APBA1: variants seen among roughly 807,000 people sequenced by gnomAD.
APBA1 encodes the protein amyloid-beta A4 precursor protein-binding family A member 1.
APBA1 carries 55 observed loss-of-function variants against 86.6 expected under a neutral mutation model. The observed-to-expected ratio is 0.64, with a 90% CI of 0.51 to 0.80. The LOEUF is 0.80. APBA1 is among the 30% of genes least tolerant of loss of function. The pLI is 0.00. For missense variants in APBA1, 1,090 were observed against 1,183.0 expected (o/e 0.92, Z 1.15); for synonymous variants, 511 against 493.9 (o/e 1.03, Z -0.46).
chr9:69,659,356 T>C (rs1027330702), intron 1 of APBA1, among the ~76,000 whole-genome samples: 3 of 152,204 alleles, frequency 2.0e-5, no homozygotes, highest in East Asian at 3.9e-4. Flanking sequence ...AAAGATTCAC[T>C]GTACAGATAT....
chr9:69,537,713 G>A (rs1333501588), intron 1 of APBA1, among the ~76,000 whole-genome samples: 2 of 151,834 alleles, frequency 1.3e-5, no homozygotes, highest in Non-Finnish European at 2.9e-5. Context: ...AACCAATAAG[G>A]TGGCCCTTTT....
intron 1 of APBA1, among the ~76,000 whole-genome samples, chr9:69,574,880 T>C (rs552164084): frequency 6.6e-6 from 1 of 152,312 alleles, no homozygotes; most frequent in Non-Finnish European, 1.5e-5. Flanking sequence ...GCCCACGGTC[T>C]ATTCATTACT....
In APBA1 at chr9:69,431,141, G is replaced by GA. The variant is rs772262179; in HGVS notation, c.*185dup. The GA allele has an allele frequency of 0.026, 7,260 of 284,248 alleles. 2 individuals carry two copies. Among genetic ancestry groups the GA allele is most frequent in the South Asian group, 0.043 (697 of 16,144 alleles). 17.6% of individuals were successfully genotyped at this position (284,248 alleles called of 1,614,324 possible). ...GTGCATACGAAACTTCCCTGGTATT[G>GA]AAAAAAAAAAAAAAAAAAAAGCAAA... On this transcript the variant is annotated 3_prime_UTR_variant, in exon 13 of 13. Coordinates refer to ENST00000265381, the MANE Select transcript of APBA1 (RefSeq NM_001163.4).
intron 1 of APBA1, among the ~76,000 whole-genome samples, chr9:69,554,168 G>GA (rs1836828013): frequency 6.6e-6 from 1 of 152,116 alleles, no homozygotes; most frequent in Non-Finnish European, 1.5e-5. Flanking sequence ...AAATGCTACG[G>GA]AAATATTAAT....
intron 1 of APBA1, among the ~76,000 whole-genome samples, chr9:69,594,919 T>C (rs962730575): frequency 2.6e-5 from 4 of 152,176 alleles, no homozygotes; most frequent in African/African-American, 9.7e-5. Flanking sequence ...TGGACATAAA[T>C]TTTCTCATCT....
chr9:69,611,285 G>GCAAAAAAAA (rs1822581134), intron 1 of APBA1, among the ~76,000 whole-genome samples: 1 of 111,912 alleles, frequency 8.9e-6, no homozygotes, highest in Non-Finnish European at 1.8e-5. Context: ...ACCAGAAAAG[G>GCAAAAAAAA]AAAAAAAAAA....
chr9:69,546,371 C>T (rs1358268070), intron 1 of APBA1, among the ~76,000 whole-genome samples: 1 of 152,196 alleles, frequency 6.6e-6, no homozygotes, highest in African/African-American at 2.4e-5. Flanking sequence ...GCCCACAGTT[C>T]CATTTCTGTA....
At position 69,449,755 on chromosome 9, in the gene APBA1, C is replaced by G; in HGVS notation, c.2010G>C (p.Val670=). The change falls in exon 10 of 13, where the codon GTG becomes GTC. Residue 670 remains valine, a synonymous_variant. Coordinates refer to ENST00000265381, the MANE Select transcript of APBA1 (RefSeq NM_001163.4). ...EKQKGEILGV[V]IVESGWGSIL... The stretch of plus-strand genomic sequence containing the variant: ...TGGATCCCCAGCCAGACTCCACAAT[C>G]ACCACACCTAGGATTTCTCCTTTCT... 6 of 1,614,016 alleles carry G rather than the reference C, an allele frequency of 3.7e-6. No homozygotes were observed. The highest frequency in any genetic ancestry group is 5.1e-6 in the Non-Finnish European group (6 of 1,179,964).
At chr9:69,566,386 T>C (rs536486405) in intron 1 of APBA1, among the ~76,000 whole-genome samples, 71 of 152,328 alleles carry the variant, frequency 4.7e-4, no homozygotes, top group African/African-American at 1.7e-3. Flanking sequence ...CTACACCTGA[T>C]TGCAAGTTTC....
At chr9:69,564,366 C>T (rs182790334) in intron 1 of APBA1, among the ~76,000 whole-genome samples, 28 of 152,200 alleles carry the variant, frequency 1.8e-4, no homozygotes, top group African/African-American at 6.5e-4. Flanking sequence ...TCATTTTCAA[C>T]TGGAACATCT....
rs1186256271 is a variant in APBA1, at chr9:69,489,367, A to G, written c.1201-13224T>C. ...GATCTTTGACAAACCTGACAAAAAC[A>G]AGCAATGGGGAAAGGATTCCCTATT... On this transcript the variant is annotated intron_variant, in intron 2 of 12. Coordinates refer to ENST00000265381, the MANE Select transcript of APBA1 (RefSeq NM_001163.4). Among the ~76,000 whole-genome samples the G allele has an allele frequency of 7.2e-5, 11 of 152,258 alleles. No homozygotes were observed. The East Asian group carries it at 1.7e-3, about 24-fold the overall frequency.
chr9:69,457,153 A>G lies in APBA1; in HGVS notation c.1516-14T>C, dbSNP rs747998982. ...GCCTTCAGGAGCCTGAGAAGAAAAAATGCACCAAGAGAAAGTTTGACCACA... is the reference window on the plus strand; with the variant it reads ...GCCTTCAGGAGCCTGAGAAGAAAAAGTGCACCAAGAGAAAGTTTGACCACA... On this transcript the variant is annotated splice_polypyrimidine_tract_variant and intron_variant, in intron 6 of 12. Transcript: ENST00000265381. 4.3e-6 allele frequency: 7 copies of G among 1,610,680 alleles called. No individual in the cohort carries two copies. The highest frequency in any genetic ancestry group is 5.9e-6 in the Non-Finnish European group (7 of 1,176,942).
At chr9:69,540,759 C>T (rs367951547) in intron 1 of APBA1, among the ~76,000 whole-genome samples, 9 of 152,092 alleles carry the variant, frequency 5.9e-5, no homozygotes, top group African/African-American at 1.9e-4. Flanking sequence ...CTACCGCACC[C>T]GGCTAATTTT....
chr9:69,435,942 GAATT>G (rs1196918529), intron 11 of APBA1, among the ~76,000 whole-genome samples: 1 of 152,116 alleles, frequency 6.6e-6, no homozygotes, highest in East Asian at 1.9e-4. Context: ...AATCCATCTT[GAATT>G]AATTTTTTAT....
chr9:69,463,442 T>A (rs1018743954), intron 5 of APBA1: 2 of 152,246 alleles, frequency 1.3e-5, no homozygotes, highest in African/African-American at 4.8e-5. Context: ...TGTAAATTTT[T>A]TGTTAAATTA....
chr9:69,574,145 G>A (rs1421745524), intron 1 of APBA1, among the ~76,000 whole-genome samples: 2 of 152,158 alleles, frequency 1.3e-5, no homozygotes, highest in Non-Finnish European at 2.9e-5. Context: ...AGACAGACAG[G>A]AAACTTTTAC....
chr9:69,570,902 G>A (rs946441235), intron 1 of APBA1, among the ~76,000 whole-genome samples: 13 of 152,174 alleles, frequency 8.5e-5, no homozygotes, highest in African/African-American at 2.9e-4. Context: ...TCTGAAGAAA[G>A]AAATTCAAGT....
intron 1 of APBA1, among the ~76,000 whole-genome samples, chr9:69,593,578 A>G (rs1286612817): frequency 1.3e-5 from 2 of 152,212 alleles, no homozygotes; most frequent in Non-Finnish European, 2.9e-5. Context: ...GGCTCAGGAA[A>G]TTACAGGAGG....
chr9:69,444,944 A>T (rs1416714936), intron 10 of APBA1, among the ~76,000 whole-genome samples: 1 of 152,134 alleles, frequency 6.6e-6, no homozygotes, highest in East Asian at 1.9e-4. Flanking sequence ...CTCTCTAATC[A>T]CACACCAGGA....
Sources: allele counts gnomAD v4.1 joint callset (sites outside exome capture counted in the v4.1 genomes callset), GRCh38; gene constraint gnomAD v4.1.1; transcripts MANE v1.5; gene names NCBI Gene and HGNC (gene_info 2026-07-23, HGNC 2026-07-21).